PDK1: variants seen among roughly 807,000 people sequenced by gnomAD.
PDK1 encodes pyruvate dehydrogenase kinase 1.
PDK1 carries 39 observed loss-of-function variants against 54.2 expected under a neutral mutation model. That is an observed-to-expected ratio of 0.72 (90% confidence interval 0.56 to 0.94). The LOEUF is 0.94. Among genes scored for constraint, PDK1 ranks in the 40% least tolerant of loss-of-function variants. The pLI is 0.00. For missense variants in PDK1, 552 were observed against 566.0 expected, an observed-to-expected ratio of 0.98 and a Z score of 0.25; for synonymous variants, 221 against 207.1, an observed-to-expected ratio of 1.07 and a Z score of -0.58.
At chr2:172,592,114 A>G (rs1172100771) in intron 9 of PDK1, among the ~76,000 whole-genome samples, 1 of 152,244 alleles carries the variant, frequency 6.6e-6, no homozygotes, top group Non-Finnish European at 1.5e-5. Context: ...GATTTTTGAT[A>G]GGAAAGCTAC....
the PDK1 span, among the ~76,000 whole-genome samples, chr2:172,700,951 C>T: frequency 5.3e-5 from 8 of 152,162 alleles, no homozygotes; most frequent in East Asian, 1.2e-3. Flanking sequence ...CAGATGGCGG[C>T]AGTACAGTCC....
At chr2:172,630,272 A>G in the PDK1 span, among the ~76,000 whole-genome samples, 6 of 152,156 alleles carry the variant, frequency 3.9e-5, no homozygotes, top group South Asian at 2.1e-4. Context: ...ACCTATTTTT[A>G]TATTGGACAA....
chr2:172,648,972 T>A, the PDK1 span, among the ~76,000 whole-genome samples: 1 of 152,148 alleles, frequency 6.6e-6, no homozygotes, highest in South Asian at 2.1e-4. Flanking sequence ...TCTGACAGCT[T>A]TGAAGAGAGT....
the PDK1 span, among the ~76,000 whole-genome samples, chr2:172,625,991 C>T: frequency 6.6e-6 from 1 of 152,172 alleles, no homozygotes; most frequent in Non-Finnish European, 1.5e-5. Context: ...AGTTAGTCTG[C>T]AGCAGGTAAA....
intron 9 of PDK1, among the ~76,000 whole-genome samples, chr2:172,588,138 C>T (rs1056069283): frequency 6.6e-6 from 1 of 152,234 alleles, no homozygotes; most frequent in Admixed American, 6.5e-5. Context: ...GATACATGCC[C>T]TCCAGGAGTT....
At position 172,605,277 on chromosome 2, in the gene PDK1, C is replaced by G. The variant is rs1691249447; in HGVS notation, c.*9308C>G. The G allele has an allele frequency of 6.6e-6, 1 of 151,548 alleles. No individual in the cohort carries two copies. The highest frequency in any genetic ancestry group is 1.5e-5 in the Non-Finnish European group (1 of 68,020). The allele number at this position is 151,548 out of a possible 1,614,324, so 9.4% of individuals were successfully genotyped here. On this transcript the variant is annotated 3_prime_UTR_variant, in exon 11 of 11. Transcript: ENST00000282077. ...GAACAGTCAAGGACACTGGAGGCCT[C>G]TGGGTGGGACACATAGGCGTTCAAG...
the PDK1 span, among the ~76,000 whole-genome samples, chr2:172,691,730 G>A: frequency 0.053 from 8,114 of 152,218 alleles, 413 homozygotes; most frequent in East Asian, 0.22. Context: ...CTCCATGTCC[G>A]CTCATGGCTT....
chr2:172,591,365 T>G (rs1558955800), intron 9 of PDK1, among the ~76,000 whole-genome samples: 1 of 152,216 alleles, frequency 6.6e-6, no homozygotes, highest in Non-Finnish European at 1.5e-5. Flanking sequence ...CCTGACTGGT[T>G]AGTGTAAAAA....
chr2:172,639,470 T>C, the PDK1 span, among the ~76,000 whole-genome samples: 1 of 152,170 alleles, frequency 6.6e-6, no homozygotes, highest in Non-Finnish European at 1.5e-5. Flanking sequence ...TACAAGATGA[T>C]TTATAATAGA....
chr2:172,673,403 C>T, the PDK1 span, among the ~76,000 whole-genome samples: 11 of 152,182 alleles, frequency 7.2e-5, no homozygotes, highest in African/African-American at 2.4e-4. Context: ...GCCCAATCGC[C>T]CAACTCCTGG....
At chr2:172,632,851 G>A in the PDK1 span, among the ~76,000 whole-genome samples, 67 of 151,346 alleles carry the variant, frequency 4.4e-4, 1 homozygote, top group East Asian at 9.2e-3. Flanking sequence ...GTGGTGGCGC[G>A]CACCTGTAGT....
chr2:172,630,692 C>G, the PDK1 span, among the ~76,000 whole-genome samples: 1 of 150,780 alleles, frequency 6.6e-6, no homozygotes, highest in South Asian at 2.1e-4. Context: ...TACAGTGGTG[C>G]GATCTCGGTT....
At chr2:172,650,605 C>A in the PDK1 span, among the ~76,000 whole-genome samples, 3 of 151,894 alleles carry the variant, frequency 2.0e-5, no homozygotes, top group African/African-American at 7.3e-5. Context: ...CAGAGACACA[C>A]ATAGGCTCAA....
In PDK1 at chr2:172,568,669, A is replaced by G. The variant is rs115287164; in HGVS notation, c.770-72A>G. 17,283 of 915,450 alleles carry G rather than the reference A, an allele frequency of 0.019. 288 individuals carry two copies. The highest frequency in any genetic ancestry group is 0.05 in the South Asian group (3,749 of 75,592). The allele number at this position is 915,450 out of a possible 1,614,324, so 56.7% of individuals were successfully genotyped here. On this transcript the variant is annotated intron_variant, in intron 6 of 10. Coordinates refer to ENST00000282077, the MANE Select transcript of PDK1 (RefSeq NM_002610.5). ...TAGTTAATGTTTTCTTTTCATCACT[A>G]CACAGTTTATTCTTAAAAATGCTTT...
At chr2:172,700,137 A>C in the PDK1 span, among the ~76,000 whole-genome samples, 11 of 152,314 alleles carry the variant, frequency 7.2e-5, no homozygotes, top group African/African-American at 2.2e-4. Context: ...AACAAAATGG[A>C]GTCTCCTATG....
chr2:172,634,641 T>G, the PDK1 span, among the ~76,000 whole-genome samples: 1 of 152,150 alleles, frequency 6.6e-6, no homozygotes. Context: ...TTTGGATTAT[T>G]TCCACTCATT....
upstream of PDK1, chr2:172,556,042 G>T: frequency 2.4e-6 from 2 of 819,800 alleles, no homozygotes; most frequent in Non-Finnish European, 1.7e-6. Context: ...GGCCGCGCCG[G>T]TGACAGCCGA....
At chr2:172,682,922 T>C in the PDK1 span, among the ~76,000 whole-genome samples, 2 of 152,080 alleles carry the variant, frequency 1.3e-5, no homozygotes, top group Non-Finnish European at 2.9e-5. Flanking sequence ...TAGACTTTCA[T>C]GACAAAAAAG....
chr2:172,669,572 T>C, the PDK1 span, among the ~76,000 whole-genome samples: 2 of 152,188 alleles, frequency 1.3e-5, no homozygotes, highest in Non-Finnish European at 2.9e-5. Flanking sequence ...GGTGGTTTTA[T>C]TTTTAGTTTT....
Sources: allele counts gnomAD v4.1 joint callset (sites outside exome capture counted in the v4.1 genomes callset), GRCh38; gene constraint gnomAD v4.1.1; transcripts MANE v1.5; gene names NCBI Gene and HGNC (gene_info 2026-07-23, HGNC 2026-07-21).